Variants in LGR6 observed in about 807,000 individuals in gnomAD.
LGR6 encodes the protein leucine-rich repeat-containing G protein-coupled receptor 6.
In LGR6, 45 loss-of-function variants were observed where a neutral mutation model predicts 69.4. The observed-to-expected ratio is 0.65, with a 90% confidence interval of 0.51 to 0.83. The LOEUF (loss-of-function observed/expected upper bound fraction) is 0.83, where lower values mean the gene tolerates loss of function less well. Ranked by LOEUF, LGR6 falls within the 40% of genes least tolerant of loss-of-function variation. LGR6 has a pLI of 0.00. For missense variants in LGR6, 1,108 were observed against 1,246.7 expected (o/e 0.89, Z 1.68); for synonymous variants, 538 against 555.0 (o/e 0.97, Z 0.43).
At chr1:202,271,621 A>G (rs1290224107) in intron 4 of LGR6, among the ~76,000 whole-genome samples, 1 of 152,040 alleles carries the variant, frequency 6.6e-6, no homozygotes, top group Admixed American at 6.5e-5. Context: ...AGCCTGGCCA[A>G]CATGGTGAAA....
intron 1 of LGR6, among the ~76,000 whole-genome samples, chr1:202,204,248 C>T (rs904232309): frequency 6.7e-5 from 9 of 135,094 alleles, no homozygotes; most frequent in Non-Finnish European, 6.4e-5. Flanking sequence ...CACACACCTC[C>T]ACACACAACC....
chr1:202,254,264 A>G (rs1663567512), intron 4 of LGR6, among the ~76,000 whole-genome samples: 1 of 152,178 alleles, frequency 6.6e-6, no homozygotes, highest in Admixed American at 6.5e-5. Flanking sequence ...TTATTAGACT[A>G]ATCTCCAGAA....
chr1:202,319,389 G>A lies in LGR6; in HGVS notation c.*182G>A. On this transcript the variant is annotated 3_prime_UTR_variant, in exon 18 of 18. Transcript: ENST00000367278. Reference sequence around the variant, plus strand: ...GACCATCACCAACGGGTGCCTCTTGGCCTGGCTTTCCCTTGGCCTTCCTCA... The same window carrying A: ...GACCATCACCAACGGGTGCCTCTTGACCTGGCTTTCCCTTGGCCTTCCTCA... The A allele has an allele frequency of 1.7e-6, 1 of 592,198 alleles. No homozygotes were observed. 36.7% of individuals were successfully genotyped at this position (592,198 alleles called of 1,614,324 possible). A position where few individuals can be genotyped will look rare whatever the true frequency, so the allele number is the denominator to read the frequency against.
intron 1 of LGR6, among the ~76,000 whole-genome samples, chr1:202,198,140 C>T (rs1211610937): frequency 2.6e-5 from 4 of 152,106 alleles, no homozygotes; most frequent in Non-Finnish European, 5.9e-5. Context: ...GCATATGTGT[C>T]TGTGTGTGTC....
chr1:202,194,505 G>C (rs778938005), intron 1 of LGR6: 6 of 655,172 alleles, frequency 9.2e-6, no homozygotes, highest in Non-Finnish European at 1.8e-5. Context: ...GGGAGGGCGC[G>C]GGGCTGGCTG....
intron 4 of LGR6, among the ~76,000 whole-genome samples, chr1:202,245,604 C>T (rs1053199773): frequency 6.6e-6 from 1 of 152,170 alleles, no homozygotes; most frequent in Non-Finnish European, 1.5e-5. Context: ...CACTCCTGCC[C>T]TCTGCGCCCC....
chr1:202,278,691 GAAGA>G (rs1443664834), intron 5 of LGR6, among the ~76,000 whole-genome samples: 3 of 152,240 alleles, frequency 2.0e-5, no homozygotes, highest in African/African-American at 7.2e-5. Flanking sequence ...GGAAGGTAAG[GAAGA>G]CTGGATATGA....
chr1:202,245,028 A>G (rs1209944573), intron 4 of LGR6, among the ~76,000 whole-genome samples: 1 of 152,144 alleles, frequency 6.6e-6, no homozygotes, highest in African/African-American at 2.4e-5. Flanking sequence ...TCTGCTGTGG[A>G]AAAGCCTCCC....
intron 6 of LGR6, among the ~76,000 whole-genome samples, chr1:202,283,858 C>A (rs886975414): frequency 3.3e-5 from 5 of 152,240 alleles, no homozygotes; most frequent in African/African-American, 9.6e-5. Context: ...GTTATGCCCT[C>A]AGCTCTGGAG....
intron 1 of LGR6, among the ~76,000 whole-genome samples, chr1:202,219,986 C>A (rs1243795869): frequency 6.6e-6 from 1 of 152,092 alleles, no homozygotes; most frequent in African/African-American, 2.4e-5. Flanking sequence ...TCAAGCAATT[C>A]TCCTGCCTCA....
At chr1:202,317,846 A>G (rs751362787) in intron 17 of LGR6, 106 bp from the exon 18 acceptor site, 131 of 1,169,602 alleles carry the variant, frequency 1.1e-4, no homozygotes, top group Non-Finnish European at 1.4e-4. Flanking sequence ...GGCCATGTTC[A>G]TCTCCTTTTG....
At chr1:202,205,481 TCAAA>T (rs1659165778) in intron 1 of LGR6, among the ~76,000 whole-genome samples, 1 of 2,826 alleles carries the variant, frequency 3.5e-4, no homozygotes, top group African/African-American at 1.2e-3. Context: ...CACACCTCCT[TCAAA>T]CACACACACA....
At chr1:202,197,878 G>A (rs1401455611) in intron 1 of LGR6, among the ~76,000 whole-genome samples, 1 of 152,214 alleles carries the variant, frequency 6.6e-6, no homozygotes, top group Non-Finnish European at 1.5e-5. Context: ...AGGCTGAGCA[G>A]TGTCAGTAAA....
At chr1:202,306,616 G>T in intron 12 of LGR6, 1 of 531,708 alleles carries the variant, frequency 1.9e-6, no homozygotes, top group East Asian at 3.4e-5. Flanking sequence ...CAGGCCCAGT[G>T]GGAACACTGG....
In LGR6 at chr1:202,194,211, GC is replaced by G; in HGVS notation, c.212+13del. The G allele has an allele frequency of 6.5e-7, 1 of 1,540,306 alleles. No individual in the cohort carries two copies. The highest frequency in any genetic ancestry group is 2.5e-5 in the East Asian group (1 of 40,718). ...CCCTGACGGCTTACCTGTGAGTACT[GC>G]CCGCCTGTCCCCGCCTGGTCCTGCG... is the stretch of plus-strand genomic sequence containing the variant. On this transcript the variant is annotated intron_variant, in intron 1 of 17. Transcript: ENST00000367278.
At chr1:202,279,361 A>C (rs989439160) in intron 5 of LGR6, among the ~76,000 whole-genome samples, 5 of 152,182 alleles carry the variant, frequency 3.3e-5, no homozygotes, top group African/African-American at 1.2e-4. Flanking sequence ...CCAGGCTCGC[A>C]GGAGTCCCGT....
chr1:202,253,955 G>A (rs1358271777), intron 4 of LGR6, among the ~76,000 whole-genome samples: 1 of 150,574 alleles, frequency 6.6e-6, no homozygotes, highest in African/African-American at 2.4e-5. Context: ...ACAGGCACCC[G>A]CCACTACGCC....
chr1:202,308,693 C>A (rs1002034857), intron 14 of LGR6, among the ~76,000 whole-genome samples: 2 of 152,140 alleles, frequency 1.3e-5, no homozygotes, highest in African/African-American at 4.8e-5. Context: ...AGCGGGTGGG[C>A]AGGGCTTCCT....
At chr1:202,225,369 C>T (rs1660440788) in intron 1 of LGR6, 54 bp from the exon 2 acceptor site, 3 of 1,537,070 alleles carry the variant, frequency 2.0e-6, no homozygotes, top group Non-Finnish European at 2.7e-6. Context: ...TGGACAGTGC[C>T]AGATGGCCCA....
Sources: allele counts gnomAD v4.1 joint callset (sites outside exome capture counted in the v4.1 genomes callset), GRCh38; gene constraint gnomAD v4.1.1; transcripts MANE v1.5; gene names NCBI Gene and HGNC (gene_info 2026-07-23, HGNC 2026-07-21).